The following CELF4 variants were observed in gnomAD, a reference collection of about 807,000 sequenced individuals.
CELF4 encodes CUG-BP- and ETR-3-like factor 4.
CELF4 carries 18 observed loss-of-function variants against 59.9 expected under a neutral mutation model. The ratio of observed to expected loss-of-function variants is 0.30; its 90% CI spans 0.21 to 0.45. CELF4 has a LOEUF of 0.45. CELF4 is among the 20% of genes least tolerant of loss of function. The pLI is 1.00. For missense variants in CELF4, 456 were observed against 689.0 expected (o/e 0.66, Z 3.79); for synonymous variants, 261 against 267.1 (o/e 0.98, Z 0.22).
chr18:37,362,281 GCTC>G (rs71972093), intron 2 of CELF4, among the ~76,000 whole-genome samples: 29,203 of 151,890 alleles, frequency 0.19, 3,050 homozygotes, highest in East Asian at 0.32. Flanking sequence ...TTCCAGCCCC[GCTC>G]CTCCTCCTCC....
At chr18:37,433,222 T>C (rs2099676303) in intron 2 of CELF4, among the ~76,000 whole-genome samples, 1 of 152,164 alleles carries the variant, frequency 6.6e-6, no homozygotes, top group South Asian at 2.1e-4. Context: ...AAAGCACTTA[T>C]GGGATCATTT....
chr18:37,388,539 C>T (rs545626694), intron 2 of CELF4, among the ~76,000 whole-genome samples: 6 of 152,070 alleles, frequency 3.9e-5, no homozygotes, highest in Admixed American at 3.9e-4. Context: ...CTGGTTAAAC[C>T]TGGTGTCATG....
intron 2 of CELF4, among the ~76,000 whole-genome samples, chr18:37,336,751 G>A (rs1055809106): frequency 2.1e-4 from 32 of 152,348 alleles, no homozygotes; most frequent in African/African-American, 5.3e-4. Flanking sequence ...GCTGGCCAGC[G>A]TGCGTGGCCG....
intron 2 of CELF4, among the ~76,000 whole-genome samples, chr18:37,481,385 G>T (rs528854545): frequency 6.6e-6 from 1 of 152,308 alleles, no homozygotes; most frequent in East Asian, 1.9e-4. Context: ...AGGAGCAAAA[G>T]TGCTGGCCAC....
chr18:37,472,894 G>A (rs996215082), intron 2 of CELF4, among the ~76,000 whole-genome samples: 2 of 152,206 alleles, frequency 1.3e-5, no homozygotes, highest in African/African-American at 2.4e-5. Flanking sequence ...GGGCATTTAT[G>A]ATGGTTAAGC....
rs558553955 is a variant in CELF4 at position 37,474,633 on chromosome 18, C to T, written c.369+10892G>A. Among the ~76,000 whole-genome samples, 9 of 152,352 alleles carry T rather than the reference C, an allele frequency of 5.9e-5. No homozygotes were observed. The South Asian group carries it at 1.7e-3, about 28-fold the overall frequency. ...AGCACTAATAAGGCCTGGTTAAGACCTGGGTGATGCTGTCTTAAATAAATG... is the reference window on the plus strand; with the variant it reads ...AGCACTAATAAGGCCTGGTTAAGACTTGGGTGATGCTGTCTTAAATAAATG... On this transcript the variant is annotated intron_variant, in intron 2 of 12. Transcript: ENST00000420428.
chr18:37,261,306 T>A (rs1443847858), intron 10 of CELF4, among the ~76,000 whole-genome samples: 1 of 147,138 alleles, frequency 6.8e-6, no homozygotes, highest in Non-Finnish European at 1.5e-5. Context: ...CAGCCCATGC[T>A]GACACCTGCC....
intron 2 of CELF4, among the ~76,000 whole-genome samples, chr18:37,329,982 G>A (rs942882941): frequency 6.6e-6 from 1 of 152,134 alleles, no homozygotes; most frequent in Non-Finnish European, 1.5e-5. Flanking sequence ...GTGCATTAGT[G>A]CTATCTCCAG....
chr18:37,259,312 G>T, intron 10 of CELF4, 48 bp from the exon 11 acceptor site: 1 of 778,264 alleles, frequency 1.3e-6, no homozygotes, highest in Non-Finnish European at 2.0e-6. Flanking sequence ...TGGCAGGGTG[G>T]GGGAAGAGAG....
chr18:37,259,018 G>T, intron 11 of CELF4, 163 bp downstream of exon 11: 1 of 1,021,122 alleles, frequency 9.8e-7, no homozygotes, highest in South Asian at 1.6e-5. Context: ...GCTGGGGCGG[G>T]GGCAATGTGA....
At chr18:37,268,469 TC>T (rs1184757672) in intron 8 of CELF4, among the ~76,000 whole-genome samples, 3 of 152,220 alleles carry the variant, frequency 2.0e-5, no homozygotes, top group Non-Finnish European at 4.4e-5. Context: ...GGGTGCCCCT[TC>T]CTTTGGGCAT....
At chr18:37,354,765 T>C (rs979463612) in intron 2 of CELF4, among the ~76,000 whole-genome samples, 1 of 152,148 alleles carries the variant, frequency 6.6e-6, no homozygotes, top group African/African-American at 2.4e-5. Flanking sequence ...CCACCATGCC[T>C]TCTCTCCAGC....
intron 2 of CELF4, among the ~76,000 whole-genome samples, chr18:37,459,472 C>T (rs1313616872): frequency 6.6e-6 from 1 of 152,200 alleles, no homozygotes; most frequent in Non-Finnish European, 1.5e-5. Flanking sequence ...TACTCACTCT[C>T]TTCTTAGCAT....
At chr18:37,477,702 C>A (rs909365630) in intron 2 of CELF4, among the ~76,000 whole-genome samples, 8 of 152,282 alleles carry the variant, frequency 5.3e-5, no homozygotes, top group African/African-American at 1.9e-4. Context: ...GGATCATGAG[C>A]TGTCTTCACA....
At chr18:37,498,848 T>C (rs946410696) in intron 1 of CELF4, among the ~76,000 whole-genome samples, 1 of 152,132 alleles carries the variant, frequency 6.6e-6, no homozygotes, top group Non-Finnish European at 1.5e-5. Context: ...TGGGGTAGTT[T>C]ACAGAGTCTC....
chr18:37,565,127 C>T (rs2099987813), intron 1 of CELF4, among the ~76,000 whole-genome samples: 1 of 152,164 alleles, frequency 6.6e-6, no homozygotes, highest in Non-Finnish European at 1.5e-5. Context: ...CCGCTGCTCT[C>T]TCCATGGCAT....
rs145333419 is a variant in CELF4 at position 37,266,582 on chromosome 18, G to A, written c.1116C>T (p.Ala372=). 344 of 1,593,640 alleles carry A rather than the reference G, an allele frequency of 2.2e-4. 3 individuals are homozygous for A. The highest frequency in any genetic ancestry group is 1.9e-3 in the South Asian group (165 of 87,328). ...CGTAGGCCTGCTGCAGGGGGTCCGC[G>A]GCGGTGGGGCTCTGTGCTGTAGGGA... ...IHPYPAQSPT[A]ADPLQQAYAG... Residue 372 remains alanine (A), a synonymous_variant, in exon 9 of 13, where the codon GCC becomes GCT. Coordinates refer to ENST00000420428, the MANE Select transcript of CELF4 (RefSeq NM_020180.4).
chr18:37,494,983 T>C (rs2099923484), intron 1 of CELF4, among the ~76,000 whole-genome samples: 1 of 152,186 alleles, frequency 6.6e-6, no homozygotes, highest in African/African-American at 2.4e-5. Flanking sequence ...CCCTTTCAAA[T>C]GTCAAAGGCA....
chr18:37,297,114 G>C (rs2095694497), intron 3 of CELF4, among the ~76,000 whole-genome samples: 2 of 152,200 alleles, frequency 1.3e-5, no homozygotes, highest in South Asian at 4.1e-4. Flanking sequence ...AGTGAACTGG[G>C]AGGCCAGTGG....
Sources: gnomAD v4.1 joint callset for allele counts (sites outside exome capture counted in the v4.1 genomes callset) on GRCh38, gnomAD v4.1.1 for gene constraint, MANE v1.5 for transcripts, NCBI Gene and HGNC (gene_info 2026-07-23, HGNC 2026-07-21) for gene names.